The following EIF4E variants were observed in gnomAD, a reference collection of about 807,000 sequenced individuals.
EIF4E encodes the protein eIF-4F 25 kDa subunit.
For missense variants in EIF4E, 113 were observed against 265.6 expected (o/e 0.43, Z 3.99); for synonymous variants, 71 against 88.5 (o/e 0.80, Z 1.11).
At chr4:98,928,877 C>T (rs1429746496) in intron 1 of EIF4E, 2 of 1,547,942 alleles carry the variant, frequency 1.3e-6, no homozygotes, top group Admixed American at 2.0e-5. Context: ...ACCGCTCCCC[C>T]AGTTCTCGGG....
chr4:98,895,984 T>C (rs562462166), intron 2 of EIF4E, among the ~76,000 whole-genome samples: 1 of 125,370 alleles, frequency 8.0e-6, no homozygotes, highest in Admixed American at 7.8e-5. Flanking sequence ...GATCATGAGG[T>C]CAAGAGATCG....
intron 1 of EIF4E, among the ~76,000 whole-genome samples, chr4:98,928,661 C>A (rs1460043584): frequency 6.6e-6 from 1 of 152,068 alleles, no homozygotes; most frequent in African/African-American, 2.4e-5. Flanking sequence ...GAGGGAAAGG[C>A]TGCTCCAGGG....
intron 2 of EIF4E, among the ~76,000 whole-genome samples, chr4:98,896,329 G>T (rs1724387412): frequency 6.6e-6 from 1 of 151,676 alleles, no homozygotes; most frequent in South Asian, 2.1e-4. Context: ...CTATGATCAT[G>T]CCACTGCACG....
intron 1 of EIF4E, among the ~76,000 whole-genome samples, chr4:98,905,632 C>G (rs1245198366): frequency 6.6e-6 from 1 of 152,020 alleles, no homozygotes; most frequent in Non-Finnish European, 1.5e-5. Flanking sequence ...ATACAAATGG[C>G]AAGTGAGGGA....
At chr4:98,901,463 C>T (rs541938382) in intron 2 of EIF4E, among the ~76,000 whole-genome samples, 19 of 152,144 alleles carry the variant, frequency 1.2e-4, no homozygotes, top group Non-Finnish European at 2.4e-4. Context: ...CCTCCGCCTC[C>T]GCCTCCTGAA....
intron 1 of EIF4E, among the ~76,000 whole-genome samples, chr4:98,906,196 T>G (rs114668116): frequency 0.011 from 1,658 of 151,530 alleles, 15 homozygotes; most frequent in Middle Eastern, 0.021. Flanking sequence ...ATCTACTTAC[T>G]CACAGGAACT....
intron 2 of EIF4E, among the ~76,000 whole-genome samples, chr4:98,892,724 A>G (rs1013328290): frequency 6.6e-6 from 1 of 151,920 alleles, no homozygotes; most frequent in African/African-American, 2.4e-5. Flanking sequence ...AGGTTGGCTG[A>G]TATTTCTCAG....
At chr4:98,919,675 C>T (rs1185923513) in intron 1 of EIF4E, among the ~76,000 whole-genome samples, 3 of 151,278 alleles carry the variant, frequency 2.0e-5, no homozygotes, top group Admixed American at 1.3e-4. Context: ...TCTCCTGTCT[C>T]AGCCTCCCGA....
At chr4:98,928,994 G>A (rs751459757) in intron 1 of EIF4E, 101 bp downstream of exon 1, 6 of 1,569,992 alleles carry the variant, frequency 3.8e-6, no homozygotes, top group Non-Finnish European at 5.2e-6. Flanking sequence ...GGCGGCAAGG[G>A]GTACAGTGCG....
chr4:98,894,383 C>T (rs925573238), intron 2 of EIF4E, among the ~76,000 whole-genome samples: 3 of 152,238 alleles, frequency 2.0e-5, no homozygotes, highest in East Asian at 1.9e-4. Context: ...AAGGCTGTTT[C>T]GTTTACACTG....
At chr4:98,918,639 A>C (rs6815444) in intron 1 of EIF4E, among the ~76,000 whole-genome samples, 25,802 of 152,074 alleles carry the variant, frequency 0.17, 2,626 homozygotes, top group African/African-American at 0.29. Context: ...GTAATGTTTG[A>C]AATAGCAAAT....
At chr4:98,901,814 T>C in intron 2 of EIF4E, 62 bp downstream of exon 2, 1 of 1,435,114 alleles carries the variant, frequency 7.0e-7, no homozygotes, top group Non-Finnish European at 9.8e-7. Context: ...CCCTTCAAAC[T>C]TGCCCCATTC....
chr4:98,882,679 T>C (rs1560632051), intron 6 of EIF4E, among the ~76,000 whole-genome samples: 1 of 151,792 alleles, frequency 6.6e-6, no homozygotes, highest in African/African-American at 2.4e-5. Context: ...ATTAAAAATG[T>C]CAAAAAGCAA....
chr4:98,882,411 A>G (rs1309436421), intron 6 of EIF4E, among the ~76,000 whole-genome samples: 2 of 151,276 alleles, frequency 1.3e-5, no homozygotes, highest in Non-Finnish European at 1.5e-5. Flanking sequence ...AAAAAAAAAA[A>G]AAAGAAAAAA....
chr4:98,891,461 T>C (rs984394531), intron 2 of EIF4E, 129 bp from the exon 3 acceptor site: 3 of 751,770 alleles, frequency 4.0e-6, no homozygotes, highest in Non-Finnish European at 4.6e-6. Context: ...AATGTATATA[T>C]ACACACAATG....
chr4:98,918,142 T>TA (rs1725466792), intron 1 of EIF4E, among the ~76,000 whole-genome samples: 1 of 151,576 alleles, frequency 6.6e-6, no homozygotes, highest in African/African-American at 2.4e-5. Flanking sequence ...GTGGGTGGAT[T>TA]ACCTAAGATC....
chr4:98,884,900 G>C (rs1427757165), intron 6 of EIF4E, 22 bp downstream of exon 6: 1 of 1,611,342 alleles, frequency 6.2e-7, no homozygotes. Flanking sequence ...TGTAAAATAA[G>C]TAGGCAAAGA....
chr4:98,902,660 T>C (rs959616338), intron 1 of EIF4E, among the ~76,000 whole-genome samples: 6 of 151,702 alleles, frequency 4.0e-5, no homozygotes, highest in African/African-American at 7.3e-5. Flanking sequence ...CTGAAGGGGG[T>C]ATCAGGAAGG....
At chr4:98,881,583 G>GTTTAT (rs3048554) in intron 6 of EIF4E, among the ~76,000 whole-genome samples, 70,709 of 151,414 alleles carry the variant, frequency 0.47, 17,807 homozygotes, top group African/African-American at 0.67. Context: ...AAACAAACAT[G>GTTTAT]TTTCATTCTT....
Sources: allele counts gnomAD v4.1 joint callset (sites outside exome capture counted in the v4.1 genomes callset), GRCh38; gene constraint gnomAD v4.1.1; transcripts MANE v1.5; gene names NCBI Gene and HGNC (gene_info 2026-07-23, HGNC 2026-07-21).